Variants in CERK observed in about 807,000 individuals in gnomAD.
The protein encoded by CERK is acylsphingosine kinase.
Under a neutral mutation model 63.4 loss-of-function variants are expected in CERK, and 39 were observed. The ratio of observed to expected loss-of-function variants is 0.61; its 90% CI spans 0.48 to 0.80. CERK has a LOEUF of 0.80. CERK is among the 30% of genes least tolerant of loss of function. CERK has a pLI of 0.00. For synonymous variants in CERK, 302 were observed against 280.0 expected (o/e 1.08, Z -0.78); for missense variants, 670 against 714.1 (o/e 0.94, Z 0.70).
intron 7 of CERK, among the ~76,000 whole-genome samples, chr22:46,699,950 A>G (rs1230086671): frequency 1.3e-5 from 2 of 152,254 alleles, no homozygotes; most frequent in Non-Finnish European, 2.9e-5. Context: ...TTAGCCAGGC[A>G]TGGTGGCGTG....
At chr22:46,697,168 G>T (rs144097247) in intron 8 of CERK, among the ~76,000 whole-genome samples, 1 of 152,084 alleles carries the variant, frequency 6.6e-6, no homozygotes, top group Non-Finnish European at 1.5e-5. Flanking sequence ...TCTCATAAGG[G>T]TTAAGATTTT....
In CERK at chr22:46,691,686, G is replaced by T. The variant is rs369993248; in HGVS notation, c.1218C>A (p.Gly406=). 5 of 1,613,844 alleles carry T rather than the reference G, an allele frequency of 3.1e-6. No individual in the cohort carries two copies. In the African/African-American group the frequency reaches 6.7e-5, roughly 22 times the overall value. ...MSCACRRSPR[G]LSPAAHLGDG... is the part of the protein sequence containing the mutation. The stretch of plus-strand genomic sequence containing the variant: ...CTCCCAAGTGGGCAGCCGGGGAGAG[G>T]CCCCTGGGGCTCCGGCGACAAGCAC... Residue 406 remains glycine (G), a synonymous_variant, in exon 11 of 13, where the codon GGC becomes GGA. Coordinates refer to ENST00000216264, the MANE Select transcript of CERK (RefSeq NM_022766.6).
chr22:46,710,989 G>C (rs1010986807), intron 5 of CERK, 97 bp downstream of exon 5: 1 of 927,824 alleles, frequency 1.1e-6, no homozygotes, highest in African/African-American at 1.7e-5. Flanking sequence ...GTGGAGGCGG[G>C]GGGCGGATTT....
At chr22:46,708,991 G>A (rs985766411) in intron 5 of CERK, among the ~76,000 whole-genome samples, 4 of 152,178 alleles carry the variant, frequency 2.6e-5, no homozygotes, top group Admixed American at 6.5e-5. Flanking sequence ...CCAGGGCTGG[G>A]ATCTCTGCCC....
At chr22:46,731,613 G>T (rs1397839440) in intron 1 of CERK, among the ~76,000 whole-genome samples, 2 of 152,224 alleles carry the variant, frequency 1.3e-5, no homozygotes, top group East Asian at 3.9e-4. Context: ...GCTGGGCCTT[G>T]GTGAGGCTGA....
intron 8 of CERK, among the ~76,000 whole-genome samples, 192 bp from the exon 9 acceptor site, chr22:46,695,507 C>A (rs951874570): frequency 6.6e-6 from 1 of 152,282 alleles, no homozygotes; most frequent in African/African-American, 2.4e-5. Context: ...TCCCTCAGGA[C>A]AACAGCACGT....
In CERK at chr22:46,691,746, C is replaced by T. The variant is rs377650300; in HGVS notation, c.1158G>A (p.Gly386=). 1 of 1,612,412 alleles carries T rather than the reference C, an allele frequency of 6.2e-7. No individual in the cohort carries two copies. Among genetic ancestry groups the T allele is most frequent in the Non-Finnish European group, 8.5e-7 (1 of 1,178,668 alleles). ...TTGTGGCATTGATGGCCAGAAACTT[C>T]CCACAGACGACTTGCCACTCCTCCA... ...EDVEEWQVVC[G]KFLAINATNM... is the part of the protein sequence containing the mutation. The change falls in exon 11 of 13, where the codon GGG becomes GGA. Residue 386 remains glycine (G), a synonymous_variant. Transcript: ENST00000216264.
rs115160162 is a variant in CERK at position 46,695,361 on chromosome 22, G to T, written c.944-46C>A. On this transcript the variant is annotated intron_variant, in intron 8 of 12. Coordinates refer to ENST00000216264, the MANE Select transcript of CERK (RefSeq NM_022766.6). ...AGAAAAAACATCCACAAGGGTCATTGCTTGGTTAGGATGCTGTGCTGGGCA... is the reference window on the plus strand; with the variant it reads ...AGAAAAAACATCCACAAGGGTCATTTCTTGGTTAGGATGCTGTGCTGGGCA... The T allele has an allele frequency of 6.7e-4, 755 of 1,122,102 alleles. 4 individuals carry two copies. The African/African-American group carries it at 0.01, about 15-fold the overall frequency. The allele number at this position is 1,122,102 out of a possible 1,614,324, so 69.5% of individuals were successfully genotyped here.
chr22:46,689,028 A>G (rs887392055), intron 12 of CERK, among the ~76,000 whole-genome samples: 1 of 152,232 alleles, frequency 6.6e-6, no homozygotes, highest in Non-Finnish European at 1.5e-5. Context: ...AGACTTCCAA[A>G]TACAATGGGC....
chr22:46,703,280 G>A (rs576880644), intron 6 of CERK, among the ~76,000 whole-genome samples: 62 of 152,220 alleles, frequency 4.1e-4, no homozygotes, highest in Middle Eastern at 3.4e-3. Flanking sequence ...CATCTGTCCC[G>A]GAGGCAGCCA....
intron 1 of CERK, among the ~76,000 whole-genome samples, chr22:46,723,417 G>A (rs2082902331): frequency 1.3e-5 from 2 of 152,110 alleles, no homozygotes; most frequent in Non-Finnish European, 2.9e-5. Flanking sequence ...TCAGGAGTTC[G>A]AGACCAGCCT....
At chr22:46,724,955 G>A (rs764321638) in intron 1 of CERK, among the ~76,000 whole-genome samples, 8 of 152,022 alleles carry the variant, frequency 5.3e-5, no homozygotes, top group Non-Finnish European at 1.0e-4. Context: ...AGGGAGGCGG[G>A]GCTTGCAGTG....
chr22:46,730,211 A>C (rs2082938887), intron 1 of CERK, among the ~76,000 whole-genome samples: 1 of 149,822 alleles, frequency 6.7e-6, no homozygotes, highest in Non-Finnish European at 1.5e-5. Context: ...TGAGCTCAGG[A>C]GTTCAAGACC....
intron 3 of CERK, among the ~76,000 whole-genome samples, chr22:46,718,559 G>A (rs1013706247): frequency 4.6e-5 from 7 of 152,168 alleles, no homozygotes; most frequent in Non-Finnish European, 7.3e-5. Flanking sequence ...GGATTAAACA[G>A]GGAAGTATGG....
In CERK at chr22:46,721,033, C is replaced by A; in HGVS notation, c.143-18G>T. Reference sequence around the variant, plus strand: ...GCAGGCATCTGTAAAAACACCACGTCCTTCTGTCAAAGAATTCGTCAGAAT... The same window carrying A: ...GCAGGCATCTGTAAAAACACCACGTACTTCTGTCAAAGAATTCGTCAGAAT... On this transcript the variant is annotated intron_variant, in intron 1 of 12. Transcript: ENST00000216264. 3.3e-6 allele frequency: 5 copies of A among 1,511,552 alleles called. No homozygotes were observed. The highest frequency in any genetic ancestry group is 4.6e-6 in the Non-Finnish European group (5 of 1,086,924). 93.6% of individuals were successfully genotyped at this position (1,511,552 alleles called of 1,614,324 possible).
intron 3 of CERK, among the ~76,000 whole-genome samples, chr22:46,716,769 T>G (rs1378530361): frequency 6.6e-6 from 1 of 151,040 alleles, no homozygotes; most frequent in African/African-American, 2.4e-5. Flanking sequence ...CAAAACCCCC[T>G]CTCTACTAAA....
At chr22:46,736,784 C>T (rs1301316697) in intron 1 of CERK, among the ~76,000 whole-genome samples, 1 of 152,160 alleles carries the variant, frequency 6.6e-6, no homozygotes, top group Non-Finnish European at 1.5e-5. Context: ...TAACGTTCAA[C>T]TCTGTCCCCA....
At chr22:46,716,582 T>G (rs141704003) in intron 3 of CERK, among the ~76,000 whole-genome samples, 1,903 of 151,818 alleles carry the variant, frequency 0.013, 40 homozygotes, top group African/African-American at 0.044. Context: ...TTTATGTAAT[T>G]AATAAATTCA....
chr22:46,695,216 C>G lies in CERK; in HGVS notation c.1043G>C (p.Arg348Pro). 6.4e-7 allele frequency: 1 copy of G among 1,556,628 alleles called. No individual in the cohort carries two copies. The highest frequency in any genetic ancestry group is 1.1e-5 in the South Asian group (1 of 89,220). Residue 348 changes from arginine (R) to proline (P), a missense_variant, in exon 9 of 13, where the codon CGG becomes CCG. Coordinates refer to ENST00000216264, the MANE Select transcript of CERK (RefSeq NM_022766.6). Reference sequence around the variant, plus strand: ...CACAAAGCAATGCACTTACCCTGCCCGGCAGGGCTTCCTATCCCTTGGAGA... The same window carrying G: ...CACAAAGCAATGCACTTACCCTGCCGGGCAGGGCTTCCTATCCCTTGGAGA... ...VGSPRDRKPC[R>P]AGCFVCRQSK...
Sources: gnomAD v4.1 joint callset for allele counts (sites outside exome capture counted in the v4.1 genomes callset) on GRCh38, gnomAD v4.1.1 for gene constraint, MANE v1.5 for transcripts, NCBI Gene and HGNC (gene_info 2026-07-23, HGNC 2026-07-21) for gene names.